Variants in KIAA0825 observed in about 807,000 individuals in gnomAD.
The protein encoded by KIAA0825 is KIAA0825.
In KIAA0825, 119 loss-of-function variants were observed where a neutral mutation model predicts 147.6. The ratio of observed to expected loss-of-function variants is 0.81; its 90% confidence interval spans 0.69 to 0.94. The LOEUF is 0.94. Ranked by LOEUF, KIAA0825 falls within the 40% of genes least tolerant of loss-of-function variation. The pLI is 0.00. For synonymous variants in KIAA0825, 470 were observed against 518.1 expected, an observed-to-expected ratio of 0.91 and a Z score of 1.26; for missense variants, 1,381 against 1,472.7, an observed-to-expected ratio of 0.94 and a Z score of 1.02.
chr5:94,227,352 A>T (rs911730300), intron 20 of KIAA0825, among the ~76,000 whole-genome samples: 98 of 151,632 alleles, frequency 6.5e-4, no homozygotes, highest in African/African-American at 1.8e-3. Context: ...AACAATGAGA[A>T]CACATGGACA....
At position 94,200,413 on chromosome 5, in the gene KIAA0825, C is replaced by T. The variant is rs1348962856; in HGVS notation, c.3711-46289G>A. Among the ~76,000 whole-genome samples, 6 of 152,266 alleles carry T rather than the reference C, an allele frequency of 3.9e-5. No homozygotes were observed. The South Asian group carries it at 8.3e-4, about 21-fold the overall frequency. On this transcript the variant is annotated intron_variant, in intron 20 of 20. Transcript: ENST00000682413. ...CTATCCACTCTCAATGCCTGCTTTT[C>T]GAAGATCTGCTCAGAGTGTCAGTCT...
chr5:94,497,138 C>G (rs1243734883), intron 5 of KIAA0825, among the ~76,000 whole-genome samples: 1 of 152,136 alleles, frequency 6.6e-6, no homozygotes, highest in Non-Finnish European at 1.5e-5. Context: ...AACTGAAGGT[C>G]AGAAAAAGTA....
At chr5:94,491,809 C>T (rs1763768873) in intron 5 of KIAA0825, among the ~76,000 whole-genome samples, 1 of 152,010 alleles carries the variant, frequency 6.6e-6, no homozygotes, top group African/African-American at 2.4e-5. Context: ...CCGTATGTAC[C>T]ACCCAATATA....
intron 20 of KIAA0825, among the ~76,000 whole-genome samples, chr5:94,182,137 G>A (rs1043317304): frequency 3.3e-5 from 5 of 150,806 alleles, no homozygotes; most frequent in Non-Finnish European, 7.4e-5. Flanking sequence ...GACCTTCAGC[G>A]CACCCTATAG....
intron 20 of KIAA0825, among the ~76,000 whole-genome samples, chr5:94,239,741 C>T (rs1775253937): frequency 6.6e-6 from 1 of 152,142 alleles, no homozygotes; most frequent in African/African-American, 2.4e-5. Flanking sequence ...AAAACATATG[C>T]ACCTATGCCT....
At chr5:94,173,200 G>C (rs1768793825) in intron 20 of KIAA0825, among the ~76,000 whole-genome samples, 1 of 146,560 alleles carries the variant, frequency 6.8e-6, no homozygotes, top group Non-Finnish European at 1.5e-5. Context: ...GCTGTTACCA[G>C]GGCAAATACC....
chr5:94,497,299 G>T (rs1764495336), intron 5 of KIAA0825, among the ~76,000 whole-genome samples: 1 of 152,036 alleles, frequency 6.6e-6, no homozygotes. Flanking sequence ...ACAATTTTTG[G>T]TCACCAATGA....
chr5:94,526,786 G>T (rs1193322535), intron 3 of KIAA0825, among the ~76,000 whole-genome samples: 1 of 151,954 alleles, frequency 6.6e-6, no homozygotes, highest in Non-Finnish European at 1.5e-5. Flanking sequence ...AACCCAATGT[G>T]AATAAGACGT....
At chr5:94,594,146 T>C in intron 1 of KIAA0825, 4 of 556,446 alleles carry the variant, frequency 7.2e-6, no homozygotes, top group South Asian at 5.5e-5. Flanking sequence ...GAATATCTGC[T>C]AAAGGTAATT....
chr5:94,584,833 G>A (rs1561354259), intron 1 of KIAA0825, among the ~76,000 whole-genome samples: 1 of 152,204 alleles, frequency 6.6e-6, no homozygotes, highest in Admixed American at 6.5e-5. Context: ...GAGACTAACA[G>A]CAGATCTCTC....
intron 10 of KIAA0825, among the ~76,000 whole-genome samples, chr5:94,468,878 G>GAAA (rs1562527686): frequency 2.6e-5 from 4 of 152,242 alleles, no homozygotes; most frequent in Non-Finnish European, 5.9e-5. Flanking sequence ...GGGTAAAATG[G>GAAA]AAAAGTTAAT....
At chr5:94,333,670 A>G (rs1173172872) in intron 20 of KIAA0825, among the ~76,000 whole-genome samples, 1 of 152,174 alleles carries the variant, frequency 6.6e-6, no homozygotes, top group African/African-American at 2.4e-5. Context: ...TGATGCCTCT[A>G]GCTTTGTTCT....
intron 20 of KIAA0825, among the ~76,000 whole-genome samples, chr5:94,309,272 G>A (rs1584063702): frequency 1.3e-5 from 2 of 151,564 alleles, no homozygotes; most frequent in South Asian, 4.1e-4. Flanking sequence ...TCAAATAACT[G>A]TAATATAAAG....
intron 5 of KIAA0825, among the ~76,000 whole-genome samples, chr5:94,510,129 T>C (rs948894125): frequency 8.5e-5 from 13 of 152,234 alleles, no homozygotes; most frequent in Non-Finnish European, 1.6e-4. Context: ...AATTACACTA[T>C]GTTGTGCCTT....
intron 1 of KIAA0825, among the ~76,000 whole-genome samples, chr5:94,585,278 G>A (rs1783050722): frequency 6.6e-6 from 1 of 152,172 alleles, no homozygotes. Flanking sequence ...CCATTGGTGT[G>A]CTGTATTCAG....
chr5:94,569,607 C>G (rs1779495520), intron 2 of KIAA0825: 2 of 387,730 alleles, frequency 5.2e-6, no homozygotes, highest in Non-Finnish European at 9.6e-6. Flanking sequence ...GATCTCCCCA[C>G]TCCATCTAAC....
At chr5:94,475,972 T>C (rs1039005718) in intron 7 of KIAA0825, among the ~76,000 whole-genome samples, 2 of 152,236 alleles carry the variant, frequency 1.3e-5, no homozygotes, top group Non-Finnish European at 2.9e-5. Context: ...CACTTACTAG[T>C]TGTTCCAAGA....
intron 20 of KIAA0825, among the ~76,000 whole-genome samples, chr5:94,299,406 G>T: frequency 6.7e-6 from 1 of 149,634 alleles, no homozygotes. Flanking sequence ...TTTTTTTAGA[G>T]ATGGGGGTCT....
At chr5:94,391,382 C>T (rs556047794) in intron 18 of KIAA0825, among the ~76,000 whole-genome samples, 153 bp downstream of exon 18, 9 of 152,226 alleles carry the variant, frequency 5.9e-5, no homozygotes, top group South Asian at 2.1e-4. Context: ...GCAGAACAGC[C>T]GGGGCTGAAT....
Sources: allele counts gnomAD v4.1 joint callset (sites outside exome capture counted in the v4.1 genomes callset), GRCh38; gene constraint gnomAD v4.1.1; transcripts MANE v1.5; gene names NCBI Gene and HGNC (gene_info 2026-07-23, HGNC 2026-07-21).